The following GLT1D1 variants were observed in gnomAD, a reference collection of about 807,000 sequenced individuals.
GLT1D1 encodes the protein glycosyltransferase 1 domain-containing protein 1.
A neutral mutation model predicts 28.7 loss-of-function variants in GLT1D1; 21 were observed. That is an observed-to-expected ratio of 0.73 (90% CI 0.52 to 1.05). The LOEUF (loss-of-function observed/expected upper bound fraction) is 1.05. Ranked by LOEUF, GLT1D1 falls within the 50% of genes least tolerant of loss-of-function variation. The pLI is 0.00. For missense variants in GLT1D1, 343 were observed against 330.6 expected (o/e 1.04, Z -0.29); for synonymous variants, 147 against 124.8 (o/e 1.18, Z -1.19).
chr12:128,911,508 G>A (rs1871527472), intron 4 of GLT1D1, among the ~76,000 whole-genome samples: 1 of 152,208 alleles, frequency 6.6e-6, no homozygotes, highest in South Asian at 2.1e-4. Context: ...GATCTAGCTA[G>A]TTCAGTCACT....
rs1040026976 is a variant in GLT1D1, at chr12:128,974,986, G to A, written c.640-7943G>A. Among the ~76,000 whole-genome samples, 20 of 152,166 alleles carry A rather than the reference G, an allele frequency of 1.3e-4. 1 individual carries two copies. The highest frequency in any genetic ancestry group is 1.3e-4 in the Admixed American group (2 of 15,280). ...CCTCCACCAGCAGTGAAGATGAATC[G>A]GATGGGAATTAGCTTTCTCACCTGC... is the stretch of plus-strand genomic sequence containing the variant. On this transcript the variant is annotated intron_variant, in intron 7 of 7. Coordinates refer to ENST00000281703, the MANE Select transcript of GLT1D1 (RefSeq NM_144669.3).
chr12:128,906,305 T>C (rs1391129671), intron 4 of GLT1D1, among the ~76,000 whole-genome samples: 1 of 152,208 alleles, frequency 6.6e-6, no homozygotes, highest in Non-Finnish European at 1.5e-5. Flanking sequence ...TGAGTACTTC[T>C]AGTTCTAGTC....
At chr12:128,908,939 A>C (rs901888280) in intron 4 of GLT1D1, among the ~76,000 whole-genome samples, 10 of 151,660 alleles carry the variant, frequency 6.6e-5, no homozygotes, top group Non-Finnish European at 1.5e-4. Flanking sequence ...ACAGAGCGAG[A>C]CTCCGTCTCA....
At chr12:128,964,453 G>T (rs555180193) in intron 7 of GLT1D1, among the ~76,000 whole-genome samples, 2 of 152,216 alleles carry the variant, frequency 1.3e-5, no homozygotes, top group South Asian at 2.1e-4. Flanking sequence ...ACCTCCTGCC[G>T]TCCCCTTGGG....
At chr12:128,921,827 T>A (rs1872684710) in intron 4 of GLT1D1, among the ~76,000 whole-genome samples, 2 of 152,202 alleles carry the variant, frequency 1.3e-5, no homozygotes, top group African/African-American at 4.8e-5. Context: ...CAGAGTCTCT[T>A]CATCTTGACG....
intron 7 of GLT1D1, among the ~76,000 whole-genome samples, chr12:128,963,556 G>A (rs1370549185): frequency 2.6e-5 from 4 of 152,320 alleles, no homozygotes; most frequent in Admixed American, 2.0e-4. Context: ...TGAGGCAGGA[G>A]AATTGCTTAA....
chr12:128,888,168 C>T (rs115262903), intron 2 of GLT1D1, among the ~76,000 whole-genome samples: 1,879 of 152,290 alleles, frequency 0.012, 41 homozygotes, highest in African/African-American at 0.043. Flanking sequence ...CTGTACTGAA[C>T]AGTTCTTGAG....
chr12:128,881,815 G>A (rs560652268), intron 2 of GLT1D1, among the ~76,000 whole-genome samples: 18 of 151,402 alleles, frequency 1.2e-4, no homozygotes, highest in South Asian at 1.0e-3. Context: ...TTTTAATTGC[G>A]TAACCTATTT....
intron 2 of GLT1D1, 46 bp from the exon 3 acceptor site, chr12:128,888,593 T>A (rs753536846): frequency 7.8e-7 from 1 of 1,283,980 alleles, no homozygotes; most frequent in South Asian, 1.2e-5. Flanking sequence ...TGGTGAAGGC[T>A]GTTTTTAGGG....
chr12:128,953,039 C>T (rs1384485939), intron 6 of GLT1D1, among the ~76,000 whole-genome samples: 1 of 152,132 alleles, frequency 6.6e-6, no homozygotes, highest in Non-Finnish European at 1.5e-5. Flanking sequence ...ACCTCAGCCT[C>T]ACAAAGTGCT....
At chr12:128,874,682 C>A (rs1235294888) in intron 1 of GLT1D1, among the ~76,000 whole-genome samples, 1 of 152,030 alleles carries the variant, frequency 6.6e-6, no homozygotes, top group Non-Finnish European at 1.5e-5. Flanking sequence ...CAGGGTTTCA[C>A]CATATTGACC....
At chr12:128,921,903 T>C (rs1872692577) in intron 4 of GLT1D1, among the ~76,000 whole-genome samples, 1 of 151,130 alleles carries the variant, frequency 6.6e-6, no homozygotes, top group Admixed American at 6.7e-5. Context: ...AGATTGTTTG[T>C]TTGTTTGACA....
At chr12:128,917,171 T>C (rs1242639358) in intron 4 of GLT1D1, among the ~76,000 whole-genome samples, 3 of 152,228 alleles carry the variant, frequency 2.0e-5, no homozygotes, top group African/African-American at 4.8e-5. Context: ...CCTTCCATTA[T>C]CTATGCCTAT....
chr12:128,909,760 T>G (rs1299773691), intron 4 of GLT1D1, among the ~76,000 whole-genome samples: 1 of 152,240 alleles, frequency 6.6e-6, no homozygotes, highest in Non-Finnish European at 1.5e-5. Flanking sequence ...AGTCCATCTA[T>G]TTATAGGTAT....
chr12:128,982,174 C>T (rs1050557617), intron 7 of GLT1D1, among the ~76,000 whole-genome samples: 1 of 148,768 alleles, frequency 6.7e-6, no homozygotes, highest in Non-Finnish European at 1.5e-5. Flanking sequence ...GGAGGAAAGG[C>T]CAGAAAAGCA....
At chr12:128,868,795 A>G (rs1202575137) in intron 1 of GLT1D1, among the ~76,000 whole-genome samples, 1 of 152,148 alleles carries the variant, frequency 6.6e-6, no homozygotes, top group Non-Finnish European at 1.5e-5. Context: ...GCAAAAAGAA[A>G]CAGATAAAAT....
intron 7 of GLT1D1, among the ~76,000 whole-genome samples, chr12:128,962,668 T>G (rs1213006161): frequency 6.6e-6 from 1 of 152,188 alleles, no homozygotes; most frequent in East Asian, 1.9e-4. Context: ...TATTACCGAT[T>G]TATAAATGCA....
chr12:128,888,516 T>G (rs527294378), intron 2 of GLT1D1, 123 bp from the exon 3 acceptor site: 2 of 643,532 alleles, frequency 3.1e-6, no homozygotes, highest in South Asian at 3.8e-5. Flanking sequence ...TGCAGCTAAA[T>G]GTACAGCAAC....
chr12:128,914,860 A>G (rs569886153), intron 4 of GLT1D1, 73 bp from the exon 6 acceptor site: 21 of 1,024,594 alleles, frequency 2.0e-5, no homozygotes, highest in African/African-American at 8.0e-5. Flanking sequence ...ATAAGCCTCA[A>G]CACAAAATAA....
Sources: allele counts gnomAD v4.1 joint callset (sites outside exome capture counted in the v4.1 genomes callset), GRCh38; gene constraint gnomAD v4.1.1; transcripts MANE v1.5; gene names NCBI Gene and HGNC (gene_info 2026-07-23, HGNC 2026-07-21).